INO80: variants seen among roughly 807,000 people sequenced by gnomAD.
INO80 encodes INO80 complex ATPase subunit.
INO80 carries 20 observed loss-of-function variants against 203.4 expected under a neutral mutation model. The observed-to-expected ratio is 0.10, with a 90% CI of 0.07 to 0.14. The LOEUF is 0.14. Ranked by LOEUF, INO80 falls within the 10% of genes least tolerant of loss-of-function variation. The pLI, the probability that INO80 is intolerant of heterozygous loss-of-function variation, is 1.00. For missense variants in INO80, 1,419 were observed against 1,914.4 expected (o/e 0.74, Z 4.83); for synonymous variants, 726 against 685.2 (o/e 1.06, Z -0.93).
chr15:41,116,214 T>C lies in INO80; in HGVS notation c.-285A>G. The C allele has an allele frequency of 2.5e-6, 1 of 407,446 alleles. No individual in the cohort carries two copies. 25.2% of individuals were successfully genotyped at this position (407,446 alleles called of 1,614,324 possible). ...CTGGGCCGGCGGCGGCGGCGGCCAC[T>C]TTCACTCACTGAGAGGAGCGGAGCA... is the stretch of plus-strand genomic sequence containing the variant. On this transcript the variant is annotated 5_prime_UTR_variant, in exon 1 of 36. Transcript: ENST00000648947.
chr15:40,999,122 GTAAT>G (rs2140429604), intron 28 of INO80, among the ~76,000 whole-genome samples: 1 of 152,194 alleles, frequency 6.6e-6, no homozygotes, highest in African/African-American at 2.4e-5. Flanking sequence ...ATAAAGGTAA[GTAAT>G]GTTTTGTGAA....
rs2045460404 is a variant in INO80, at chr15:41,079,880, C to A, written c.952G>T (p.Val318Leu). The change falls in exon 9 of 36, where the codon GTG (valine) becomes TTG (leucine). Residue 318 changes from valine to leucine, a missense_variant. This residue lies in a region of INO80 where 87 missense variants were observed against 150.5 expected (regional missense o/e 0.58). Transcript: ENST00000648947. ...TGGGCCTGCAAGGCAGCTCGACGCA[C>A]CTCCTTCATGCACTGGTGAGCAAGC... Reference protein sequence around the residue: ...RKLAHQCMKEVRRAALQAQKN... With the variant: ...RKLAHQCMKELRRAALQAQKN... 1 of 1,613,932 alleles carries A rather than the reference C, an allele frequency of 6.2e-7. No homozygotes were observed. The highest frequency in any genetic ancestry group is 1.1e-5 in the South Asian group (1 of 91,088).
intron 5 of INO80, among the ~76,000 whole-genome samples, chr15:41,089,506 C>T (rs568944348): frequency 2.6e-5 from 4 of 152,112 alleles, no homozygotes; most frequent in Non-Finnish European, 5.9e-5. Context: ...AATCCCAGCA[C>T]TTTGGGAGGC....
chr15:41,084,228 T>C (rs1174364027), intron 7 of INO80, among the ~76,000 whole-genome samples: 1 of 150,564 alleles, frequency 6.6e-6, no homozygotes, highest in African/African-American at 2.4e-5. Flanking sequence ...ACATATGGCA[T>C]CTGGTTTGCA....
At chr15:41,103,989 G>C (rs922429162) in intron 1 of INO80, among the ~76,000 whole-genome samples, 24 of 151,904 alleles carry the variant, frequency 1.6e-4, no homozygotes, top group African/African-American at 5.5e-4. Flanking sequence ...GCCAAGGAAG[G>C]CTGATCACCT....
chr15:41,028,938 G>A (rs1314335679), intron 24 of INO80, among the ~76,000 whole-genome samples: 1 of 152,200 alleles, frequency 6.6e-6, no homozygotes, highest in East Asian at 1.9e-4. Context: ...TTTTAAGTAT[G>A]AAATGTTCAC....
intron 23 of INO80, among the ~76,000 whole-genome samples, chr15:41,046,206 CATATATATATATATATATATATAT>C (rs1160486459): frequency 6.9e-5 from 1 of 14,426 alleles, no homozygotes; most frequent in African/African-American, 2.3e-4. Context: ...CGTATACATA[CATATATATATATATATATATATAT>C]ATATATATAT....
At position 41,021,071 on chromosome 15, in the gene INO80, T is replaced by A; in HGVS notation, c.3103A>T (p.Arg1035Trp). Residue 1035 changes from arginine (R) to tryptophan (W), a missense_variant, in exon 26 of 36, where the codon AGG becomes TGG. Arg to Trp is a moderately radical substitution (Grantham distance 101). Coordinates refer to ENST00000648947, the MANE Select transcript of INO80 (RefSeq NM_017553.3). ...CTCCCTCCTTCCTTCAGAACTCGCCTTTCATATTCTGCACTTCGGTCATTG... is the reference window on the plus strand; with the variant it reads ...CTCCCTCCTTCCTTCAGAACTCGCCATTCATATTCTGCACTTCGGTCATTG... ...YCNDRSAEYE[R>W]RVLKEGGSLA... 6.2e-7 allele frequency: 1 copy of A among 1,614,244 alleles called. No homozygotes were observed. Among genetic ancestry groups the A allele is most frequent in the Non-Finnish European group, 8.5e-7 (1 of 1,180,036 alleles).
intron 27 of INO80, among the ~76,000 whole-genome samples, chr15:41,007,487 T>G (rs888584476): frequency 4.6e-5 from 7 of 151,932 alleles, no homozygotes; most frequent in South Asian, 4.2e-4. Context: ...CAAGCCTGAT[T>G]TGCCTTTTAA....
rs199664664 is a variant in INO80 at position 41,027,740 on chromosome 15, C to T, written c.2908-4G>A. On this transcript the variant is annotated splice_polypyrimidine_tract_variant and splice_region_variant and intron_variant, in intron 24 of 35. Coordinates refer to ENST00000648947, the MANE Select transcript of INO80 (RefSeq NM_017553.3). The stretch of plus-strand genomic sequence containing the variant: ...AGTGGCTGCTGAAAACAAGAGACTG[C>T]AAAATAAAAATGCAAATGAATGCCA... 6.5e-7 allele frequency: 1 copy of T among 1,547,400 alleles called. No homozygotes were observed.
chr15:40,982,338 A>G (rs1566897338), intron 35 of INO80, among the ~76,000 whole-genome samples: 2 of 152,090 alleles, frequency 1.3e-5, no homozygotes, highest in South Asian at 2.1e-4. Flanking sequence ...TGGTAGAGAC[A>G]GGGTTTCCTC....
chr15:41,045,771 C>T (rs897867497), intron 23 of INO80, among the ~76,000 whole-genome samples: 4 of 148,984 alleles, frequency 2.7e-5, no homozygotes, highest in Admixed American at 2.0e-4. Context: ...CGTGGTTGTG[C>T]ACGCCTGTAA....
intron 26 of INO80, chr15:41,019,654 C>G (rs1420299274): frequency 6.6e-6 from 1 of 152,174 alleles, no homozygotes; most frequent in Non-Finnish European, 1.5e-5. Context: ...CACTTAGGTT[C>G]CCCCACTGAT....
At chr15:41,070,639 T>C (rs2045294996) in intron 12 of INO80, 92 bp from the exon 13 acceptor site, 1 of 1,041,750 alleles carries the variant, frequency 9.6e-7, no homozygotes, top group South Asian at 1.3e-5. Flanking sequence ...ATAACAGGCT[T>C]GTTTAAAGAG....
intron 14 of INO80, among the ~76,000 whole-genome samples, chr15:41,066,293 T>C (rs568894438): frequency 1.7e-3 from 251 of 151,988 alleles, no homozygotes; most frequent in Middle Eastern, 3.4e-3. Flanking sequence ...TTTTATAAGC[T>C]TGGTCTGCAG....
chr15:41,012,031 G>A (rs2044139680), intron 27 of INO80, among the ~76,000 whole-genome samples: 1 of 152,144 alleles, frequency 6.6e-6, no homozygotes, highest in Non-Finnish European at 1.5e-5. Flanking sequence ...GTATCAAGTG[G>A]CCTATTTCCT....
chr15:41,093,951 T>C (rs2045681816), intron 4 of INO80, among the ~76,000 whole-genome samples: 1 of 152,224 alleles, frequency 6.6e-6, no homozygotes, highest in Non-Finnish European at 1.5e-5. Flanking sequence ...AATTTCTGCA[T>C]TTCCAACAGC....
At chr15:41,021,321 T>C (rs1239137294) in intron 25 of INO80, among the ~76,000 whole-genome samples, 196 bp from the exon 26 acceptor site, 1 of 152,200 alleles carries the variant, frequency 6.6e-6, no homozygotes, top group Non-Finnish European at 1.5e-5. Flanking sequence ...CAACCTCTTA[T>C]AAAATGAAAC....
chr15:41,020,761 A>T, intron 26 of INO80, 139 bp downstream of exon 26: 1 of 589,344 alleles, frequency 1.7e-6, no homozygotes, highest in South Asian at 2.2e-5. Flanking sequence ...ATTCTTACCT[A>T]TGAATTACTA....
Sources: allele counts gnomAD v4.1 joint callset (sites outside exome capture counted in the v4.1 genomes callset), GRCh38; gene constraint gnomAD v4.1.1; regional missense constraint gnomAD v4.1.1; transcripts MANE v1.5; gene names NCBI Gene and HGNC (gene_info 2026-07-23, HGNC 2026-07-21).